FLNC: variants seen among roughly 807,000 people sequenced by gnomAD.
The protein encoded by FLNC is filamin-C.
Under a neutral mutation model 254.3 loss-of-function variants are expected in FLNC, and 91 were observed. The ratio of observed to expected loss-of-function variants is 0.36; its 90% CI spans 0.30 to 0.43. The LOEUF (loss-of-function observed/expected upper bound fraction) is 0.43, where lower values mean the gene tolerates loss of function less well. FLNC is among the 20% of genes least tolerant of loss of function. The probability of loss-of-function intolerance (pLI) is 1.00; values close to 1 mark genes in which losing one functional copy is unlikely to be tolerated. For missense variants in FLNC, 2,853 were observed against 3,802.6 expected, an observed-to-expected ratio of 0.75 and a Z score of 6.57; for synonymous variants, 1,430 against 1,577.2, an observed-to-expected ratio of 0.91 and a Z score of 2.21.
Position 128,835,731 on chromosome 7 carries a change from C to T in FLNC, c.601+157C>T, listed in dbSNP as rs560118840. ...TTGTCCTCCTCCAGCTGTGGCTCTC[C>T]GCTGGCTGGTGGCAGGCCCTACCTG... On this transcript the variant is annotated intron_variant, in intron 2 of 47. Transcript: ENST00000325888. This position sits in a 1 kb window ranked among gnomAD's most constrained non-coding sequence, Gnocchi z 5.3. 8.1e-4 allele frequency among the ~76,000 whole-genome samples: 123 copies of T among 152,280 alleles called. No individual in the cohort carries two copies. Among genetic ancestry groups the T allele is most frequent in the Admixed American group, 1.8e-3 (28 of 15,308 alleles).
rs1055109116 is a variant in FLNC, at chr7:128,838,673, C to T, written c.1281C>T (p.Ala427=). 3 of 1,613,006 alleles carry T rather than the reference C, an allele frequency of 1.9e-6. No homozygotes were observed. Among genetic ancestry groups the T allele is most frequent in the East Asian group, 2.2e-5 (1 of 44,880 alleles). ...GCCGGCGGGACACAGTGGAGGTGGC[C>T]CTGGAGGACAAGGGTGACAGCACGT... ...PQGRRDTVEV[A]LEDKGDSTFR... Residue 427 remains alanine (A), a synonymous_variant, in exon 8 of 48, where the codon GCC becomes GCT. Transcript: ENST00000325888.
chr7:128,858,542 C>G lies in FLNC; in HGVS notation c.*19C>G, dbSNP rs774917764. On this transcript the variant is annotated 3_prime_UTR_variant, in exon 48 of 48. Coordinates refer to ENST00000325888, the MANE Select transcript of FLNC (RefSeq NM_001458.5). The surrounding 1 kb of genome is among the most constrained non-coding windows in gnomAD (Gnocchi z 6.7). ...CCCTTGAATCCCAAAAGTGCCTCCCCAGCCTCAGCCCCCACCTCCAGCCAC... is the reference window on the plus strand; with the variant it reads ...CCCTTGAATCCCAAAAGTGCCTCCCGAGCCTCAGCCCCCACCTCCAGCCAC... 6.3e-7 allele frequency: 1 copy of G among 1,591,932 alleles called. No homozygotes were observed. The highest frequency in any genetic ancestry group is 1.1e-5 in the South Asian group (1 of 90,414).
Position 128,842,485 on chromosome 7 carries a change from G to A in FLNC, c.2266-90G>A. Reference sequence around the variant, plus strand: ...GGCTCAGGCTGGGACTGAGGCTTGGGCTGGTGCCACTGAGGCTGGGCCGGG... The same window carrying A: ...GGCTCAGGCTGGGACTGAGGCTTGGACTGGTGCCACTGAGGCTGGGCCGGG... On this transcript the variant is annotated intron_variant, in intron 14 of 47. Coordinates refer to ENST00000325888, the MANE Select transcript of FLNC (RefSeq NM_001458.5). The surrounding 1 kb of genome is among the most constrained non-coding windows in gnomAD (Gnocchi z 5.4). 6.3e-7 allele frequency: 1 copy of A among 1,577,966 alleles called. No individual in the cohort carries two copies. Among genetic ancestry groups the A allele is most frequent in the Non-Finnish European group, 8.6e-7 (1 of 1,161,930 alleles).
chr7:128,830,630 G>T lies in FLNC; in HGVS notation c.-8G>T, dbSNP rs368218457. 37 of 1,611,050 alleles carry T rather than the reference G, an allele frequency of 2.3e-5. No homozygotes were observed. Among genetic ancestry groups the T allele is most frequent in the Non-Finnish European group, 3.1e-5 (37 of 1,179,090 alleles). ...CTAGCCCCGGCCGCACCCCCAGCCC[G>T]CGCCAGCATGATGAACAACAGCGGC... On this transcript the variant is annotated 5_prime_UTR_variant, in exon 1 of 48. Coordinates refer to ENST00000325888, the MANE Select transcript of FLNC (RefSeq NM_001458.5).
chr7:128,844,413 C>T (rs1039305894), intron 20 of FLNC, 147 bp downstream of exon 20: 8 of 1,071,434 alleles, frequency 7.5e-6, no homozygotes, highest in Non-Finnish European at 1.1e-5. Context: ...CACCCCACCA[C>T]CTGCCTTGGA....
chr7:128,833,619 GC>G (rs1055252801), intron 1 of FLNC, among the ~76,000 whole-genome samples: 38 of 84,580 alleles, frequency 4.5e-4, no homozygotes, highest in South Asian at 3.7e-3. Context: ...TATACACACC[GC>G]CCCCCCCAAC....
rs1333370324 is a variant in FLNC at position 128,838,637 on chromosome 7, G to A, written c.1245G>A (p.Val415=). ...CTGGCGATGTTGCTGTGGTGATCGT[G>A]GACCCACAGGGCCGGCGGGACACAG... ...AGTGDVAVVI[V]DPQGRRDTVE... Residue 415 remains valine, a synonymous_variant, in exon 8 of 48, where the codon GTG becomes GTA. Coordinates refer to ENST00000325888, the MANE Select transcript of FLNC (RefSeq NM_001458.5). 1 of 1,612,968 alleles carries A rather than the reference G, an allele frequency of 6.2e-7. No homozygotes were observed. The highest frequency in any genetic ancestry group is 8.5e-7 in the Non-Finnish European group (1 of 1,180,010).
At chr7:128,853,149 C>G in intron 37 of FLNC, 118 bp downstream of exon 37, 1 of 1,076,094 alleles carries the variant, frequency 9.3e-7, no homozygotes, top group Non-Finnish European at 1.4e-6. Flanking sequence ...CCTGACCAGT[C>G]TGCGTCAGGA....
chr7:128,846,642 T>G (rs1585161909), intron 23 of FLNC, 103 bp from the exon 24 acceptor site: 3 of 1,373,234 alleles, frequency 2.2e-6, no homozygotes, highest in Admixed American at 1.9e-5. Context: ...CTCAGCTGGG[T>G]CCCCAGCGGC....
Position 128,858,576 on chromosome 7 carries a change from TAC to T in FLNC, c.*75_*76del, listed in dbSNP as rs60473969. ...CCCCCACCTCCAGCCACACACACAT[TAC>T]ACACACACACACACACACACAAATG... On this transcript the variant is annotated 3_prime_UTR_variant, in exon 48 of 48. Transcript: ENST00000325888. The surrounding 1 kb of genome is among the most constrained non-coding windows in gnomAD (Gnocchi z 6.7). 0.16 allele frequency: 137,131 copies of T among 845,146 alleles called. 3,024 individuals carry two copies. Among genetic ancestry groups the T allele is most frequent in the East Asian group, 0.33 (11,338 of 34,024 alleles). 52.4% of individuals were successfully genotyped at this position (845,146 alleles called of 1,614,324 possible).
chr7:128,843,380 C>T, intron 17 of FLNC, 28 bp from the exon 18 acceptor site: 1 of 1,613,774 alleles, frequency 6.2e-7, no homozygotes, highest in Non-Finnish European at 8.5e-7. Flanking sequence ...CTGCCAGGCC[C>T]TCACCACATC....
chr7:128,838,324 G>A lies in FLNC; in HGVS notation c.1105G>A (p.Gly369Ser). The A allele has an allele frequency of 6.2e-7, 1 of 1,614,070 alleles. No homozygotes were observed. The highest frequency in any genetic ancestry group is 8.5e-7 in the Non-Finnish European group (1 of 1,179,960). Residue 369 changes from glycine to serine, a missense_variant, in exon 7 of 48, where the codon GGC becomes AGC. Physicochemically the swap from Gly to Ser is moderately conservative, Grantham distance 56 (BLOSUM62 0). This residue lies in a region of FLNC where 1,573 missense variants were observed against 1,883.5 expected (regional missense o/e 0.84). Transcript: ENST00000325888. ...ACGCAGTCCCTTTGAGGTGAACGTG[G>A]GCATGGCCCTGGGAGATGCCAACAA... ...IERSPFEVNVGMALGDANKVS... is the reference protein window; with the variant it reads ...IERSPFEVNVSMALGDANKVS...
At chr7:128,832,474 C>T (rs1807931409) in intron 1 of FLNC, among the ~76,000 whole-genome samples, 1 of 152,190 alleles carries the variant, frequency 6.6e-6, no homozygotes, top group African/African-American at 2.4e-5. Context: ...GGGGAAGAGC[C>T]GGAGGCTTCG....
chr7:128,850,558 G>A (rs1808764992), intron 32 of FLNC, 75 bp downstream of exon 32: 2 of 1,365,348 alleles, frequency 1.5e-6, no homozygotes, highest in Non-Finnish European at 2.1e-6. Context: ...GTGTCTTAAT[G>A]ATGAAAACAA....
chr7:128,836,651 T>C lies in FLNC; in HGVS notation c.602-509T>C, dbSNP rs946638538. On this transcript the variant is annotated intron_variant, in intron 2 of 47. Transcript: ENST00000325888. This position sits in a 1 kb window ranked among gnomAD's most constrained non-coding sequence, Gnocchi z 6.0. ...CCTTTAATGCCTCAGTTTCCCCAAG[T>C]GAGCAGTTAGAAGGAATAGGGAGTC... is the stretch of plus-strand genomic sequence containing the variant. Among the ~76,000 whole-genome samples, 11 of 152,138 alleles carry C rather than the reference T, an allele frequency of 7.2e-5. No individual in the cohort carries two copies. Among genetic ancestry groups the C allele is most frequent in the African/African-American group, 2.4e-4 (10 of 41,424 alleles).
In FLNC at chr7:128,842,102, C is replaced by T; in HGVS notation, c.2122-129C>T. 1 of 974,606 alleles carries T rather than the reference C, an allele frequency of 1.0e-6. No homozygotes were observed. The highest frequency in any genetic ancestry group is 1.5e-5 in the South Asian group (1 of 68,228). 60.4% of individuals were successfully genotyped at this position (974,606 alleles called of 1,614,324 possible). On this transcript the variant is annotated intron_variant, in intron 13 of 47. Coordinates refer to ENST00000325888, the MANE Select transcript of FLNC (RefSeq NM_001458.5). The surrounding 1 kb of genome is among the most constrained non-coding windows in gnomAD (Gnocchi z 5.4). ...ACGTGGCCCTGGGCTCTGGTGGCCT[C>T]AGTGGCTGGTGTGGGGGCGGGAGTG...
chr7:128,842,749 G>T lies in FLNC; in HGVS notation c.2390-45G>T. ...CTGGGAGGGGGCGGGGGTGAGTCGAGTCGGGGGCTGAGCCCAACTCACAGC... is the reference window on the plus strand; with the variant it reads ...CTGGGAGGGGGCGGGGGTGAGTCGATTCGGGGGCTGAGCCCAACTCACAGC... On this transcript the variant is annotated intron_variant, in intron 15 of 47. Transcript: ENST00000325888. This position sits in a 1 kb window ranked among gnomAD's most constrained non-coding sequence, Gnocchi z 5.4. 1 of 1,603,424 alleles carries T rather than the reference G, an allele frequency of 6.2e-7. No individual in the cohort carries two copies. The highest frequency in any genetic ancestry group is 8.5e-7 in the Non-Finnish European group (1 of 1,175,576).
intron 37 of FLNC, 100 bp downstream of exon 37, chr7:128,853,131 T>A: frequency 1.7e-6 from 2 of 1,192,140 alleles, no homozygotes; most frequent in Non-Finnish European, 2.4e-6. Flanking sequence ...CTCTCCTCCC[T>A]GAAACTTCCT....
Position 128,835,670 on chromosome 7 carries a change from A to C in FLNC, c.601+96A>C. 2 of 1,396,988 alleles carry C rather than the reference A, an allele frequency of 1.4e-6. No homozygotes were observed. Among genetic ancestry groups the C allele is most frequent in the Non-Finnish European group, 2.0e-6 (2 of 1,003,466 alleles). The allele number at this position is 1,396,988 out of a possible 1,614,324, so 86.5% of individuals were successfully genotyped here. On this transcript the variant is annotated intron_variant, in intron 2 of 47. Transcript: ENST00000325888. The surrounding 1 kb of genome is among the most constrained non-coding windows in gnomAD (Gnocchi z 5.3). ...AAGGCGTGTGGTTGTCAGAATGCAC[A>C]CCCTGGGGCCTGGGGGCCAGGATCC...
Sources: gnomAD v4.1 joint callset for allele counts (sites outside exome capture counted in the v4.1 genomes callset) on GRCh38, gnomAD v4.1.1 for gene constraint, gnomAD v4.1.1 regional missense constraint, Gnocchi (gnomAD v3.1) non-coding constraint, MANE v1.5 for transcripts, NCBI Gene and HGNC (gene_info 2026-07-23, HGNC 2026-07-21) for gene names.